SLC30A4: variants seen among roughly 807,000 people sequenced by gnomAD.
SLC30A4 encodes probable proton-coupled zinc antiporter SLC30A4.
Under a neutral mutation model 41.7 loss-of-function variants are expected in SLC30A4, and 20 were observed. That is an observed-to-expected ratio of 0.48 (90% CI 0.34 to 0.70). SLC30A4 has a LOEUF of 0.70. Among genes scored for constraint, SLC30A4 ranks in the 30% least tolerant of loss-of-function variants. The pLI is 0.01. For synonymous variants in SLC30A4, 181 were observed against 195.9 expected, an observed-to-expected ratio of 0.92 and a Z score of 0.64; for missense variants, 441 against 529.3, an observed-to-expected ratio of 0.83 and a Z score of 1.64.
chr15:45,500,705 G>A (rs1190392972), intron 3 of SLC30A4, among the ~76,000 whole-genome samples: 6 of 149,574 alleles, frequency 4.0e-5, no homozygotes, highest in South Asian at 2.1e-4. Flanking sequence ...TTTTTGAGAC[G>A]GAGTTTCGCT....
chr15:45,488,782 TTAG>T, intron 5 of SLC30A4, 56 bp downstream of exon 5: 3 of 1,367,136 alleles, frequency 2.2e-6, no homozygotes, highest in Non-Finnish European at 3.1e-6. Context: ...ACAATCAGCC[TTAG>T]TTTTCATGTT....
In SLC30A4 at chr15:45,482,961, T is replaced by C. The variant is rs1326748582; in HGVS notation, c.*2202A>G. ...GCACGACGCCTGGCTGATTTTTATATTTTTGTAGAGACAGGGTCTCTACAA... is the reference window on the plus strand; with the variant it reads ...GCACGACGCCTGGCTGATTTTTATACTTTTGTAGAGACAGGGTCTCTACAA... On this transcript the variant is annotated 3_prime_UTR_variant, in exon 8 of 8. Transcript: ENST00000261867. The C allele has an allele frequency of 6.6e-6, 1 of 152,152 alleles. No homozygotes were observed. The highest frequency in any genetic ancestry group is 1.5e-5 in the Non-Finnish European group (1 of 68,018). 9.4% of individuals were successfully genotyped at this position (152,152 alleles called of 1,614,324 possible).
Position 45,479,892 on chromosome 15 carries a change from A to C in SLC30A4, c.*5271T>G, listed in dbSNP as rs1343647466. ...ATCTTAATTAACATGGACAAACCCC[A>C]GCTTCAAAATCTTTCTAAAATCAAT... On this transcript the variant is annotated 3_prime_UTR_variant, in exon 8 of 8. Coordinates refer to ENST00000261867, the MANE Select transcript of SLC30A4 (RefSeq NM_013309.6). 6.6e-6 allele frequency: 1 copy of C among 151,960 alleles called. No homozygotes were observed. Among genetic ancestry groups the C allele is most frequent in the Non-Finnish European group, 1.5e-5 (1 of 67,980 alleles). The allele number at this position is 151,960 out of a possible 1,614,324, so 9.4% of individuals were successfully genotyped here.
chr15:45,487,911 A>AGTGTGTGTGTGTGTGTGTGT (rs145350286), intron 5 of SLC30A4, among the ~76,000 whole-genome samples: 9 of 137,602 alleles, frequency 6.5e-5, no homozygotes, highest in African/African-American at 2.5e-4. Flanking sequence ...GAAAGAAGTA[A>AGTGTGTGTGTGTGTGTGTGT]GTGTGTGTGT....
At chr15:45,490,071 G>A (rs1891780594) in intron 4 of SLC30A4, among the ~76,000 whole-genome samples, 1 of 152,082 alleles carries the variant, frequency 6.6e-6, no homozygotes, top group Non-Finnish European at 1.5e-5. Context: ...GATTAAATCT[G>A]TTAACTTCAA....
chr15:45,486,684 T>C lies in SLC30A4; in HGVS notation c.1062A>G (p.Val354=). ...AGATATTTAAATCTTCGACTGAATA[T>C]ACATCTTCTATTTTCATCAAGGCTT... ...IKEALMKIED[V]YSVEDLNIWS... is the part of the protein sequence containing the mutation. The change falls in exon 7 of 8, where the codon GTA becomes GTG. Residue 354 remains valine, a synonymous_variant. Coordinates refer to ENST00000261867, the MANE Select transcript of SLC30A4 (RefSeq NM_013309.6). The C allele has an allele frequency of 1.3e-6, 2 of 1,599,898 alleles. No homozygotes were observed.
intron 7 of SLC30A4, 131 bp downstream of exon 7, chr15:45,486,480 G>A: frequency 3.7e-6 from 3 of 820,902 alleles, no homozygotes; most frequent in Non-Finnish European, 5.4e-6. Flanking sequence ...GTTTTTTAAA[G>A]ACAAAGGCTT....
chr15:45,489,242 T>G (rs1449640354), intron 4 of SLC30A4, among the ~76,000 whole-genome samples, 200 bp from the exon 5 acceptor site: 1 of 152,000 alleles, frequency 6.6e-6, no homozygotes. Context: ...GAGCTTATGT[T>G]CTAGTAGAGA....
At chr15:45,488,805 T>C in intron 5 of SLC30A4, 36 bp downstream of exon 5, 1 of 1,544,890 alleles carries the variant, frequency 6.5e-7, no homozygotes, top group Non-Finnish European at 8.9e-7. Context: ...TGAAATTAAG[T>C]ACATTTTAAA....
rs1295291878 is a variant in SLC30A4, at chr15:45,481,131, C to T, written c.*4032G>A. On this transcript the variant is annotated 3_prime_UTR_variant, in exon 8 of 8. Transcript: ENST00000261867. ...TGGGTTCAAAAGGAACACTAAGTCT[C>T]GTAAGAGCAAGAAACTTAGTTTTAG... The T allele has an allele frequency of 6.6e-6, 1 of 152,058 alleles. No individual in the cohort carries two copies. The highest frequency in any genetic ancestry group is 1.5e-5 in the Non-Finnish European group (1 of 68,018). The allele number at this position is 152,058 out of a possible 1,614,324, so 9.4% of individuals were successfully genotyped here.
At chr15:45,501,153 A>G (rs910007735) in intron 3 of SLC30A4, among the ~76,000 whole-genome samples, 3 of 151,530 alleles carry the variant, frequency 2.0e-5, no homozygotes, top group African/African-American at 4.8e-5. Flanking sequence ...TAAAAATACA[A>G]AAAAATTAGC....
intron 2 of SLC30A4, among the ~76,000 whole-genome samples, chr15:45,520,670 G>C (rs1366665332): frequency 6.6e-6 from 1 of 152,172 alleles, no homozygotes; most frequent in Admixed American, 6.5e-5. Context: ...TTCAAGCTAA[G>C]GCCCTGACCT....
At chr15:45,493,740 T>A (rs1339912015) in intron 3 of SLC30A4, among the ~76,000 whole-genome samples, 1 of 152,064 alleles carries the variant, frequency 6.6e-6, no homozygotes, top group African/African-American at 2.4e-5. Flanking sequence ...GCAGGAGAAT[T>A]GCTTGAACCT....
In SLC30A4 at chr15:45,522,394, G is replaced by A; in HGVS notation, c.-40C>T. 6.5e-7 allele frequency: 1 copy of A among 1,534,120 alleles called. No homozygotes were observed. The highest frequency in any genetic ancestry group is 8.7e-7 in the Non-Finnish European group (1 of 1,147,766). Reference sequence around the variant, plus strand: ...GGCCGCGGTGCGGAACGGCTTGGGGGAGGCGGACGGCCGGCGGCGCCTACT... The same window carrying A: ...GGCCGCGGTGCGGAACGGCTTGGGGAAGGCGGACGGCCGGCGGCGCCTACT... On this transcript the variant is annotated 5_prime_UTR_variant, in exon 2 of 8. Transcript: ENST00000261867.
At chr15:45,520,903 C>T (rs1892646415) in intron 2 of SLC30A4, 16 of 379,920 alleles carry the variant, frequency 4.2e-5, no homozygotes, top group South Asian at 3.4e-4. Flanking sequence ...TTGAAAGCCA[C>T]TGAGATAGAA....
intron 2 of SLC30A4, among the ~76,000 whole-genome samples, chr15:45,513,117 T>C (rs997152967): frequency 3.3e-5 from 5 of 151,436 alleles, no homozygotes; most frequent in African/African-American, 7.3e-5. Context: ...CTGGGCAACA[T>C]GGTGAAACCC....
rs1023332404 is a variant in SLC30A4, at chr15:45,516,304, T to C, written c.392-5020A>G. Among the ~76,000 whole-genome samples the C allele has an allele frequency of 2.6e-5, 4 of 152,286 alleles. No homozygotes were observed. The South Asian group carries it at 6.2e-4, about 24-fold the overall frequency. On this transcript the variant is annotated intron_variant, in intron 2 of 7. Transcript: ENST00000261867. ...TTCTAAAATATGGTCCCTGGATCAG[T>C]AGTGTTAGCATCCCCTGGGATTTTG...
intron 2 of SLC30A4, chr15:45,513,795 A>G (rs924884565): frequency 6.6e-6 from 1 of 152,122 alleles, no homozygotes; most frequent in Non-Finnish European, 1.5e-5. Flanking sequence ...ATCTCCTTCA[A>G]TGCCCCATTC....
chr15:45,500,614 G>GTCTATCTA (rs10593774), intron 3 of SLC30A4, among the ~76,000 whole-genome samples: 258 of 149,738 alleles, frequency 1.7e-3, no homozygotes, highest in East Asian at 3.8e-3. Flanking sequence ...TTAAGGGTCT[G>GTCTATCTA]TCTATCTATC....
Sources: allele counts gnomAD v4.1 joint callset (sites outside exome capture counted in the v4.1 genomes callset), GRCh38; gene constraint gnomAD v4.1.1; transcripts MANE v1.5; gene names NCBI Gene and HGNC (gene_info 2026-07-23, HGNC 2026-07-21).